Variants in LURAP1L observed in about 807,000 individuals in gnomAD.
The protein encoded by LURAP1L is leucine rich adaptor protein 1-like.
LURAP1L carries 12 observed loss-of-function variants against 13.8 expected under a neutral mutation model. The ratio of observed to expected loss-of-function variants is 0.87; its 90% CI spans 0.56 to 1.41. LURAP1L has a LOEUF of 1.41. Ranked by LOEUF, LURAP1L falls within the 40% of genes most tolerant of loss-of-function variation. The pLI is 0.00. For missense variants in LURAP1L, 375 were observed against 292.9 expected, an observed-to-expected ratio of 1.28 and a Z score of -2.04; for synonymous variants, 139 against 119.2, an observed-to-expected ratio of 1.17 and a Z score of -1.08.
At chr9:12,782,616 T>C (rs1586874801) in intron 1 of LURAP1L, among the ~76,000 whole-genome samples, 1 of 152,234 alleles carries the variant, frequency 6.6e-6, no homozygotes, top group African/African-American at 2.4e-5. Flanking sequence ...TTTATGCCAG[T>C]ATCATGCTGT....
chr9:12,805,566 G>A (rs987080929), intron 1 of LURAP1L, among the ~76,000 whole-genome samples: 7 of 151,958 alleles, frequency 4.6e-5, no homozygotes, highest in African/African-American at 1.7e-4. Context: ...ATGGATTTAA[G>A]CAGACAAATA....
rs1222247095 is a variant in LURAP1L at position 12,775,921 on chromosome 9, TGTC to T, written c.210_212del (p.Ser76del). 19 of 1,570,380 alleles carry T rather than the reference TGTC, an allele frequency of 1.2e-5. No individual in the cohort carries two copies. The highest frequency in any genetic ancestry group is 2.7e-5 in the African/African-American group (2 of 73,660). ...AGCTACTGCAGCTTCCCTCCCTCCT[TGTC>T]GTCCTCCTCTTCGTCCTCCCCAACC... On this transcript the variant is annotated inframe_deletion, in exon 1 of 2. Transcript: ENST00000319264.
chr9:12,813,396 G>T (rs1210770593), intron 1 of LURAP1L, among the ~76,000 whole-genome samples: 1 of 151,958 alleles, frequency 6.6e-6, no homozygotes, highest in East Asian at 1.9e-4. Context: ...TTTATTCACA[G>T]GGTGAAAATA....
intron 1 of LURAP1L, among the ~76,000 whole-genome samples, chr9:12,779,249 C>G (rs752799715): frequency 6.7e-6 from 1 of 149,014 alleles, no homozygotes; most frequent in South Asian, 2.1e-4. Flanking sequence ...TGTATTATCC[C>G]GTTGAAATCT....
At chr9:12,786,715 C>T (rs957261771) in intron 1 of LURAP1L, among the ~76,000 whole-genome samples, 5 of 151,110 alleles carry the variant, frequency 3.3e-5, no homozygotes, top group Non-Finnish European at 4.4e-5. Context: ...CAGACATCAT[C>T]AGAATATTTG....
intron 1 of LURAP1L, among the ~76,000 whole-genome samples, chr9:12,808,178 T>A (rs895860950): frequency 7.2e-5 from 11 of 152,080 alleles, no homozygotes; most frequent in African/African-American, 2.2e-4. Flanking sequence ...CCATTTTTTT[T>A]AATACAGATC....
intron 1 of LURAP1L, among the ~76,000 whole-genome samples, chr9:12,788,019 G>C (rs1345782547): frequency 6.6e-6 from 1 of 151,832 alleles, no homozygotes; most frequent in Non-Finnish European, 1.5e-5. Context: ...GGCTGAAGCA[G>C]GAGAATTGCA....
chr9:12,821,323 G>T, intron 1 of LURAP1L, 63 bp from the exon 2 acceptor site: 1 of 1,527,748 alleles, frequency 6.5e-7, no homozygotes, highest in South Asian at 1.3e-5. Flanking sequence ...GTCCCCAGAT[G>T]AATTTGAGGC....
chr9:12,794,515 G>C (rs772318510), intron 1 of LURAP1L, among the ~76,000 whole-genome samples: 31 of 152,150 alleles, frequency 2.0e-4, no homozygotes, highest in Admixed American at 4.6e-4. Flanking sequence ...AATGAGTTAA[G>C]TATATGCTGA....
intron 1 of LURAP1L, among the ~76,000 whole-genome samples, chr9:12,779,336 G>A (rs1013321467): frequency 2.8e-5 from 4 of 145,054 alleles, no homozygotes; most frequent in African/African-American, 5.1e-5. Context: ...ATGCAGTGGA[G>A]CGATCTCGGC....
chr9:12,817,924 C>G (rs1467276218), intron 1 of LURAP1L, among the ~76,000 whole-genome samples: 2 of 152,148 alleles, frequency 1.3e-5, no homozygotes, highest in Non-Finnish European at 2.9e-5. Flanking sequence ...GCCTGGAGCT[C>G]CTGGTAATGG....
intron 1 of LURAP1L, among the ~76,000 whole-genome samples, chr9:12,813,787 T>G (rs1024382929): frequency 3.1e-4 from 47 of 152,340 alleles, no homozygotes; most frequent in African/African-American, 9.6e-4. Flanking sequence ...GTTTAATTAA[T>G]ATAGTTTTCA....
chr9:12,819,094 T>G (rs933637117), intron 1 of LURAP1L, among the ~76,000 whole-genome samples: 6 of 152,236 alleles, frequency 3.9e-5, no homozygotes, highest in Non-Finnish European at 7.4e-5. Context: ...CATAAAGTCA[T>G]TGCAAGGTTA....
In LURAP1L at chr9:12,807,094, A is replaced by AATATATATATATATATAT. The variant is rs71329889; in HGVS notation, c.313-14285_313-14268dup. ...CACGGCGAAGCCCTGTCTCTACTAA[A>AATATATATATATATATAT]ATATATATATATATATATATATATT... On this transcript the variant is annotated intron_variant, in intron 1 of 1. Transcript: ENST00000319264. Among the ~76,000 whole-genome samples the AATATATATATATATATAT allele has an allele frequency of 6.5e-4, 76 of 116,148 alleles. 2 individuals are homozygous for AATATATATATATATATAT. Among genetic ancestry groups the AATATATATATATATATAT allele is most frequent in the Admixed American group, 3.4e-3 (32 of 9,468 alleles). 76.2% of individuals were successfully genotyped at this position (116,148 alleles called of 152,430 possible). A position where few individuals can be genotyped will look rare whatever the true frequency, so the allele number is the denominator to read the frequency against.
At position 12,821,886 on chromosome 9, in the gene LURAP1L, C is replaced by T; in HGVS notation, c.*126C>T. On this transcript the variant is annotated 3_prime_UTR_variant, in exon 2 of 2. Coordinates refer to ENST00000319264, the MANE Select transcript of LURAP1L (RefSeq NM_203403.2). The stretch of plus-strand genomic sequence containing the variant: ...TTTTTAAAAGAAGCTGATTTTGAAA[C>T]TGCTTAATGGTATTGCTGTTGCTCC... 2 of 1,145,898 alleles carry T rather than the reference C, an allele frequency of 1.7e-6. No individual in the cohort carries two copies. The highest frequency in any genetic ancestry group is 1.5e-5 in the African/African-American group (1 of 64,764). The allele number at this position is 1,145,898 out of a possible 1,614,324, so 71.0% of individuals were successfully genotyped here.
Position 12,798,858 on chromosome 9 carries a change from A to G in LURAP1L, c.313-22528A>G, listed in dbSNP as rs547286563. ...ATGTGCGAGTGACCCTTGCTTGCAA[A>G]TATTTGTTGATTTTACACCCAAGTG... On this transcript the variant is annotated intron_variant, in intron 1 of 1. Transcript: ENST00000319264. 2.6e-5 allele frequency among the ~76,000 whole-genome samples: 4 copies of G among 152,298 alleles called. No homozygotes were observed. In the East Asian group the frequency reaches 7.7e-4, roughly 29 times the overall value.
In LURAP1L at chr9:12,775,815, G is replaced by T; in HGVS notation, c.100G>T (p.Val34Phe). The T allele has an allele frequency of 6.2e-7, 1 of 1,606,562 alleles. No homozygotes were observed. The highest frequency in any genetic ancestry group is 8.5e-7 in the Non-Finnish European group (1 of 1,177,516). ...GCGCTCTCTCCGTGGGGAGGAGCCG[G>T]TTCCCAGGGAAAGGGACAGGGACCC... The part of the protein sequence containing the change: ...LVRSLRGEEP[V>F]PRERDRDPCG... The change falls in exon 1 of 2, where the codon GTT (valine) becomes TTT (phenylalanine). Residue 34 changes from valine to phenylalanine, a missense_variant. By Grantham distance (50) the Val-to-Phe change is conservative (BLOSUM62 -1). Coordinates refer to ENST00000319264, the MANE Select transcript of LURAP1L (RefSeq NM_203403.2).
At chr9:12,818,325 C>G (rs768420678) in intron 1 of LURAP1L, among the ~76,000 whole-genome samples, 3 of 152,066 alleles carry the variant, frequency 2.0e-5, no homozygotes. Flanking sequence ...TGTTTTAACC[C>G]CTGGTGGCAT....
intron 1 of LURAP1L, among the ~76,000 whole-genome samples, chr9:12,789,457 C>A (rs1586877847): frequency 6.6e-6 from 1 of 152,242 alleles, no homozygotes; most frequent in East Asian, 1.9e-4. Flanking sequence ...TTTTCCTGAA[C>A]ATGCTACATC....
Sources: gnomAD v4.1 joint callset for allele counts (sites outside exome capture counted in the v4.1 genomes callset) on GRCh38, gnomAD v4.1.1 for gene constraint, MANE v1.5 for transcripts, NCBI Gene and HGNC (gene_info 2026-07-23, HGNC 2026-07-21) for gene names.